Variants in LAMA2 observed in about 807,000 individuals in gnomAD.
The protein encoded by LAMA2 is laminin subunit alpha 2, also known as laminin subunit alpha-2.
A neutral mutation model predicts 364.8 loss-of-function variants in LAMA2; 269 were observed. The observed-to-expected ratio is 0.74, with a 90% CI of 0.67 to 0.82. LAMA2 has a LOEUF of 0.82. Among genes scored for constraint, LAMA2 ranks in the 40% least tolerant of loss-of-function variants. LAMA2 has a pLI of 0.00. For synonymous variants in LAMA2, 1,379 were observed against 1,370.6 expected, an observed-to-expected ratio of 1.01 and a Z score of -0.14; for missense variants, 3,807 against 3,873.2, an observed-to-expected ratio of 0.98 and a Z score of 0.45.
chr6:129,026,611 A>G (rs943108911), intron 1 of LAMA2, among the ~76,000 whole-genome samples: 1 of 152,162 alleles, frequency 6.6e-6, no homozygotes, highest in Admixed American at 6.6e-5. Context: ...CATTCATGTA[A>G]GAAGTATATT....
intron 8 of LAMA2, among the ~76,000 whole-genome samples, chr6:129,160,990 C>A (rs575291979): frequency 6.6e-6 from 1 of 152,138 alleles, no homozygotes; most frequent in African/African-American, 2.4e-5. Context: ...TTTTTCCAAT[C>A]TGCGATTATG....
At chr6:129,248,902 A>G (rs1785964973) in intron 12 of LAMA2, among the ~76,000 whole-genome samples, 2 of 152,146 alleles carry the variant, frequency 1.3e-5, no homozygotes, top group Non-Finnish European at 1.5e-5. Context: ...GTCCAGGCAG[A>G]TATTTATTAT....
intron 63 of LAMA2, among the ~76,000 whole-genome samples, chr6:129,512,840 G>A (rs950453322): frequency 2.6e-5 from 4 of 152,134 alleles, no homozygotes; most frequent in Middle Eastern, 3.2e-3. Context: ...GGACTCCAGT[G>A]GGAGAAAAGG....
intron 1 of LAMA2, among the ~76,000 whole-genome samples, chr6:128,914,432 G>A (rs6937948): frequency 1 from 152,169 of 152,316 alleles, 76,011 homozygotes; most frequent in Middle Eastern, 1. Flanking sequence ...TACTTATAAG[G>A]GCTCACTTGT....
chr6:128,908,078 A>T (rs2114442424), intron 1 of LAMA2, among the ~76,000 whole-genome samples: 1 of 151,462 alleles, frequency 6.6e-6, no homozygotes, highest in East Asian at 1.9e-4. Flanking sequence ...TTCATCAAGG[A>T]TATTGGTCTA....
At position 129,402,353 on chromosome 6, in the gene LAMA2, A is replaced by G. The variant is rs1368166389; in HGVS notation, c.5592A>G (p.Pro1864=). Residue 1864 remains proline (P), a synonymous_variant, in exon 39 of 65, where the codon CCA becomes CCG. Transcript: ENST00000421865. ...TTGAAGACATCCAAACTAAATTGCC[A>G]CCTATGTCTGAGGAGCTTAATGATA... The part of the protein sequence containing the change: ...DYVEDIQTKL[P]PMSEELNDKI... 3 of 1,613,860 alleles carry G rather than the reference A, an allele frequency of 1.9e-6. No homozygotes were observed. Among genetic ancestry groups the G allele is most frequent in the African/African-American group, 1.3e-5 (1 of 74,890 alleles).
intron 22 of LAMA2, among the ~76,000 whole-genome samples, chr6:129,306,239 T>C (rs1274132323): frequency 1.3e-5 from 2 of 151,532 alleles, no homozygotes; most frequent in Non-Finnish European, 2.9e-5. Flanking sequence ...ATCATTTTTC[T>C]TCTTCCATTA....
intron 1 of LAMA2, among the ~76,000 whole-genome samples, chr6:128,953,875 A>T (rs1780992488): frequency 1.3e-5 from 2 of 152,146 alleles, no homozygotes; most frequent in Admixed American, 1.3e-4. Flanking sequence ...TGACAAACCT[A>T]CAAAGTACAT....
intron 23 of LAMA2, among the ~76,000 whole-genome samples, chr6:129,313,370 A>G (rs1259400725): frequency 6.6e-6 from 1 of 152,172 alleles, no homozygotes; most frequent in Admixed American, 6.5e-5. Flanking sequence ...GATTTTTTAA[A>G]AAATATATTA....
At chr6:129,340,851 A>AG (rs1776225701) in intron 29 of LAMA2, among the ~76,000 whole-genome samples, 1 of 150,258 alleles carries the variant, frequency 6.7e-6, no homozygotes, top group South Asian at 2.1e-4. Context: ...AAAAAAAAAA[A>AG]AGAGAAAAAG....
chr6:129,099,631 A>G (rs1775403636), intron 4 of LAMA2, among the ~76,000 whole-genome samples: 1 of 152,210 alleles, frequency 6.6e-6, no homozygotes, highest in Non-Finnish European at 1.5e-5. Context: ...TTCACATTCT[A>G]TCATGCCCAC....
intron 1 of LAMA2, among the ~76,000 whole-genome samples, chr6:128,927,875 T>C (rs1176069675): frequency 6.6e-6 from 1 of 152,206 alleles, no homozygotes; most frequent in East Asian, 1.9e-4. Context: ...ATAATCCTTC[T>C]TTGACTAAGA....
chr6:128,912,587 C>A (rs1202997981), intron 1 of LAMA2, among the ~76,000 whole-genome samples: 1 of 152,024 alleles, frequency 6.6e-6, no homozygotes, highest in Non-Finnish European at 1.5e-5. Context: ...AAAGAAAAAT[C>A]CCAATTTATT....
At chr6:129,405,540 C>T (rs1208208643) in intron 40 of LAMA2, among the ~76,000 whole-genome samples, 2 of 152,110 alleles carry the variant, frequency 1.3e-5, no homozygotes, top group African/African-American at 4.8e-5. Context: ...ATTATTCCTT[C>T]TCTCTTTCCA....
At chr6:129,426,074 T>C (rs980368131) in intron 40 of LAMA2, among the ~76,000 whole-genome samples, 2 of 152,178 alleles carry the variant, frequency 1.3e-5, no homozygotes, top group Non-Finnish European at 2.9e-5. Flanking sequence ...TTCAGGATTG[T>C]ATTATCATCC....
At chr6:129,109,307 A>T (rs1208665358) in intron 4 of LAMA2, among the ~76,000 whole-genome samples, 1 of 152,134 alleles carries the variant, frequency 6.6e-6, no homozygotes, top group African/African-American at 2.4e-5. Context: ...TGGTCAAAGT[A>T]CTGCAGAACT....
intron 8 of LAMA2, among the ~76,000 whole-genome samples, chr6:129,163,876 C>T (rs1196333068): frequency 1.3e-5 from 2 of 152,186 alleles, no homozygotes; most frequent in Admixed American, 6.5e-5. Context: ...ATGTTCCTTA[C>T]AGCTTCCATT....
intron 1 of LAMA2, among the ~76,000 whole-genome samples, chr6:128,922,215 A>G (rs1165291754): frequency 1.3e-5 from 2 of 151,346 alleles, no homozygotes; most frequent in Non-Finnish European, 2.9e-5. Flanking sequence ...TCCTTTGGGT[A>G]TATACCCAGT....
intron 3 of LAMA2, among the ~76,000 whole-genome samples, chr6:129,061,055 A>C (rs1562202059): frequency 6.6e-6 from 1 of 152,192 alleles, no homozygotes; most frequent in Non-Finnish European, 1.5e-5. Context: ...CTATCAGAGA[A>C]TGGCAGGGCA....
Sources: allele counts gnomAD v4.1 joint callset (sites outside exome capture counted in the v4.1 genomes callset), GRCh38; gene constraint gnomAD v4.1.1; transcripts MANE v1.5; gene names NCBI Gene and HGNC (gene_info 2026-07-23, HGNC 2026-07-21).